Variants in PIEZO1 observed in about 807,000 individuals in gnomAD.
PIEZO1 encodes the protein piezo type mechanosensitive ion channel component 1 (Er blood group).
Under a neutral mutation model 297.2 loss-of-function variants are expected in PIEZO1, and 296 were observed. The ratio of observed to expected loss-of-function variants is 1.00; its 90% CI spans 0.91 to 1.10. The LOEUF is 1.10. Ranked by LOEUF, PIEZO1 falls within the 50% of genes least tolerant of loss-of-function variation. PIEZO1 has a pLI of 0.00. For synonymous variants in PIEZO1, 2,427 were observed against 1,507.5 expected (o/e 1.61, Z -14.13); for missense variants, 5,018 against 3,455.5 (o/e 1.45, Z -11.34).
At chr16:88,715,881 G>T (rs1421247226) in intron 50 of PIEZO1, 27 bp from the exon 51 acceptor site, 1 of 1,546,834 alleles carries the variant, frequency 6.5e-7, no homozygotes, top group Non-Finnish European at 8.7e-7. Context: ...TGAGTCCTGG[G>T]GCCGCCCGGA....
chr16:88,722,887 T>A lies in PIEZO1; in HGVS notation c.4618A>T (p.Ser1540Cys), dbSNP rs927839077. The A allele has an allele frequency of 2.6e-6, 4 of 1,548,916 alleles. No homozygotes were observed. Among genetic ancestry groups the A allele is most frequent in the African/African-American group, 2.7e-5 (2 of 73,024 alleles). ...TAGCGCTCTGCCCGCAGCACGTCGCTCATGGTGCCGTGGTGCCGGGTGAAC... is the reference window on the plus strand; with the variant it reads ...TAGCGCTCTGCCCGCAGCACGTCGCACATGGTGCCGTGGTGCCGGGTGAAC... Reference protein sequence around the residue: ...QEFTRHHGTMSDVLRAERYLL... With the variant: ...QEFTRHHGTMCDVLRAERYLL... The change falls in exon 34 of 51, where the codon AGC becomes TGC. Residue 1540 changes from serine to cysteine, a missense_variant. Transcript: ENST00000301015.
chr16:88,719,412 G>T, intron 44 of PIEZO1, 162 bp downstream of exon 44: 1 of 640,698 alleles, frequency 1.6e-6, no homozygotes, highest in East Asian at 2.8e-5. Flanking sequence ...AAGATCACTG[G>T]CCTCGTGATC....
At chr16:88,747,045 C>T (rs1467281599) in intron 2 of PIEZO1, among the ~76,000 whole-genome samples, 7 of 152,168 alleles carry the variant, frequency 4.6e-5, no homozygotes, top group Admixed American at 4.6e-4. Flanking sequence ...TGCCTCTCTG[C>T]ACCCCTGAAT....
chr16:88,746,300 A>G (rs74033390), intron 2 of PIEZO1, among the ~76,000 whole-genome samples: 20,546 of 152,064 alleles, frequency 0.14, 1,572 homozygotes, highest in Non-Finnish European at 0.18. Flanking sequence ...GTGGGGGGTG[A>G]TCTCTCTCCA....
chr16:88,737,149 G>A (rs9936610), intron 10 of PIEZO1: 169,206 of 236,944 alleles, frequency 0.71, 62,177 homozygotes, highest in African/African-American at 0.9. Context: ...CCAAGGCGAC[G>A]TGGCCAACAC....
In PIEZO1 at chr16:88,719,911, T is replaced by C. The variant is rs753010369; in HGVS notation, c.6214A>G (p.Ile2072Val). 1.0e-4 allele frequency: 156 copies of C among 1,550,300 alleles called. No homozygotes were observed. Among genetic ancestry groups the C allele is most frequent in the Non-Finnish European group, 1.4e-4 (155 of 1,146,952 alleles). The change falls in exon 43 of 51, where the codon ATC becomes GTC. Residue 2072 changes from isoleucine (I) to valine (V), a missense_variant. Coordinates refer to ENST00000301015, the MANE Select transcript of PIEZO1 (RefSeq NM_001142864.4). ...VAQLWYFVKC[I>V]YFALSAYQIR... ...TGGTAGGCGGACAGGGCGAAGTAGA[T>C]GCACTTCACGAAGTACCAGAGCTGG...
At chr16:88,739,471 G>C (rs1044810061) in intron 5 of PIEZO1, 2 of 152,248 alleles carry the variant, frequency 1.3e-5, no homozygotes, top group African/African-American at 2.4e-5. Context: ...CCCCATCTGT[G>C]ACTCGGGGGC....
chr16:88,752,134 C>T (rs1025387212), intron 1 of PIEZO1, among the ~76,000 whole-genome samples: 1 of 152,180 alleles, frequency 6.6e-6, no homozygotes, highest in Non-Finnish European at 1.5e-5. Flanking sequence ...GATGGCTGCA[C>T]AACAATGCGA....
intron 1 of PIEZO1, 103 bp downstream of exon 1, chr16:88,784,798 C>A: frequency 1.2e-6 from 1 of 826,602 alleles, no homozygotes; most frequent in Non-Finnish European, 1.7e-6. Context: ...CGCGCCCGCT[C>A]GCCCGCAGCC....
In PIEZO1 at chr16:88,720,532, C is replaced by T. The variant is rs753877293; in HGVS notation, c.5802G>A (p.Leu1934=). The T allele has an allele frequency of 6.5e-5, 101 of 1,549,694 alleles. No individual in the cohort carries two copies. Among genetic ancestry groups the T allele is most frequent in the Middle Eastern group, 5.0e-4 (3 of 6,012 alleles). ...GRRLQGFCLS[L]AQGTYRPLRR... ...GTAGCGGCCGATATGTGCCCTGGGC[C>T]CTGCGGAAGGGGGCGCTCAGCCTGG... Residue 1934 remains leucine (L), a splice_region_variant and synonymous_variant, in exon 41 of 51, where the codon CTG becomes CTA. Coordinates refer to ENST00000301015, the MANE Select transcript of PIEZO1 (RefSeq NM_001142864.4).
At position 88,720,056 on chromosome 16, in the gene PIEZO1, C is replaced by A. The variant is rs750436228; in HGVS notation, c.6164+13G>T. ...CGCCCCTGGAGACCGAGCGCCCCCA[C>A]GCGTGGGCCCACCTCTCAGTGACGG... is the stretch of plus-strand genomic sequence containing the variant. On this transcript the variant is annotated intron_variant, in intron 42 of 50. Transcript: ENST00000301015. The A allele has an allele frequency of 6.5e-7, 1 of 1,550,094 alleles. No individual in the cohort carries two copies. Among genetic ancestry groups the A allele is most frequent in the Non-Finnish European group, 8.7e-7 (1 of 1,146,784 alleles).
At position 88,732,337 on chromosome 16, in the gene PIEZO1, C is replaced by G; in HGVS notation, c.2989G>C (p.Glu997Gln). 3 of 1,549,122 alleles carry G rather than the reference C, an allele frequency of 1.9e-6. No individual in the cohort carries two copies. Among genetic ancestry groups the G allele is most frequent in the Non-Finnish European group, 2.6e-6 (3 of 1,146,092 alleles). ...INFFFYKFGLEICFLMAVNVI... is the reference protein window; with the variant it reads ...INFFFYKFGLQICFLMAVNVI... ...GGGAGGCAATGTCCTTGCCTCACCT[C>G]CAGCCCGAATTTGTAGAAGAAGAAG... is the stretch of plus-strand genomic sequence containing the variant. Residue 997 changes from glutamate (E) to glutamine (Q), a missense_variant and splice_region_variant, in exon 21 of 51, where the codon GAG becomes CAG. Physicochemically the swap from Glu to Gln is conservative, Grantham distance 29. Coordinates refer to ENST00000301015, the MANE Select transcript of PIEZO1 (RefSeq NM_001142864.4).
At chr16:88,726,247 G>A (rs1390064912) in intron 27 of PIEZO1, 37 bp downstream of exon 27, 1 of 1,511,590 alleles carries the variant, frequency 6.6e-7, no homozygotes. Flanking sequence ...CCAGCCCCAA[G>A]ACGGGAGCTC....
At chr16:88,779,638 A>AGTGGG (rs1237006110) in intron 1 of PIEZO1, among the ~76,000 whole-genome samples, 1 of 152,168 alleles carries the variant, frequency 6.6e-6, no homozygotes, top group Non-Finnish European at 1.5e-5. Context: ...GGGAATCTGC[A>AGTGGG]GTGGGATGGG....
chr16:88,737,692 C>A, intron 9 of PIEZO1, 36 bp downstream of exon 9: 2 of 1,533,450 alleles, frequency 1.3e-6, no homozygotes, highest in Non-Finnish European at 8.7e-7. Context: ...GCCGGGCGCC[C>A]CCCACGCTGG....
At chr16:88,764,692 A>G (rs1597482240) in intron 1 of PIEZO1, among the ~76,000 whole-genome samples, 1 of 150,664 alleles carries the variant, frequency 6.6e-6, no homozygotes, top group East Asian at 2.0e-4. Flanking sequence ...CTGGGATCCC[A>G]GTGAGCTGGG....
intron 2 of PIEZO1, among the ~76,000 whole-genome samples, chr16:88,748,375 C>G (rs1369168475): frequency 1.0e-4 from 1 of 9,600 alleles, no homozygotes; most frequent in Non-Finnish European, 2.2e-4. Context: ...CCTCGTCACC[C>G]AGGCTGCAGG....
chr16:88,727,750 C>T (rs574697203), intron 22 of PIEZO1, 89 bp from the exon 23 acceptor site: 1 of 592,476 alleles, frequency 1.7e-6, no homozygotes, highest in Admixed American at 3.4e-5. Flanking sequence ...AGTCTATCAC[C>T]AGCCCTCAGG....
At chr16:88,766,260 G>A (rs980072656) in intron 1 of PIEZO1, among the ~76,000 whole-genome samples, 1 of 152,174 alleles carries the variant, frequency 6.6e-6, no homozygotes, top group Non-Finnish European at 1.5e-5. Context: ...GGGGAGTGTC[G>A]CCTAAGGGCC....
Sources: gnomAD v4.1 joint callset for allele counts (sites outside exome capture counted in the v4.1 genomes callset) on GRCh38, gnomAD v4.1.1 for gene constraint, MANE v1.5 for transcripts, NCBI Gene and HGNC (gene_info 2026-07-23, HGNC 2026-07-21) for gene names.